The following AGAP1 variants were observed in gnomAD, a reference collection of about 807,000 sequenced individuals.
AGAP1 encodes the protein arf-GAP with GTPase, ANK repeat and PH domain-containing protein 1.
Under a neutral mutation model 105.3 loss-of-function variants are expected in AGAP1, and 29 were observed. The observed-to-expected ratio is 0.28, with a 90% CI of 0.21 to 0.38. AGAP1 has a LOEUF of 0.38. Among genes scored for constraint, AGAP1 ranks in the 10% least tolerant of loss-of-function variants. The probability of loss-of-function intolerance (pLI) is 1.00; values close to 1 mark genes in which losing one functional copy is unlikely to be tolerated. For missense variants in AGAP1, 998 were observed against 1,165.1 expected, an observed-to-expected ratio of 0.86 and a Z score of 2.09; for synonymous variants, 509 against 485.9, an observed-to-expected ratio of 1.05 and a Z score of -0.63.
chr2:235,719,102 C>G lies in AGAP1; in HGVS notation c.310+1458C>G, dbSNP rs1280108732. ...CCTGCAAATGAAATGACCACCTTTT[C>G]TAAGTAAATCTACTTTCAGGGCCCT... On this transcript the variant is annotated intron_variant, in intron 3 of 17. Coordinates refer to ENST00000304032, the MANE Select transcript of AGAP1 (RefSeq NM_001037131.3). This position sits in a 1 kb window ranked among gnomAD's most constrained non-coding sequence, Gnocchi z 4.9. 6.6e-6 allele frequency among the ~76,000 whole-genome samples: 1 copy of G among 152,170 alleles called. No individual in the cohort carries two copies.
chr2:235,514,553 G>A (rs550306268), intron 1 of AGAP1, among the ~76,000 whole-genome samples: 17 of 152,358 alleles, frequency 1.1e-4, no homozygotes, highest in Admixed American at 9.8e-4. Context: ...CTGCCTGGGG[G>A]TTTGGATCAC....
At chr2:235,530,404 A>G (rs911302007) in intron 1 of AGAP1, among the ~76,000 whole-genome samples, 1 of 152,188 alleles carries the variant, frequency 6.6e-6, no homozygotes, top group Non-Finnish European at 1.5e-5. Context: ...CAGCTGTACA[A>G]GGTTACCCCA....
At chr2:236,103,990 A>G (rs926047875) in intron 16 of AGAP1, among the ~76,000 whole-genome samples, 1 of 152,344 alleles carries the variant, frequency 6.6e-6, no homozygotes, top group East Asian at 1.9e-4. Flanking sequence ...CGTCCTTACT[A>G]TGTCCCTGAG....
At chr2:235,506,717 G>A (rs1004465277) in intron 1 of AGAP1, among the ~76,000 whole-genome samples, 3 of 152,168 alleles carry the variant, frequency 2.0e-5, no homozygotes, top group Admixed American at 6.5e-5. Context: ...CCAGTGAGAT[G>A]CAAAGCCACA....
rs1255569139 is a variant in AGAP1 at position 235,599,636 on chromosome 2, G to A, written c.163+104787G>A. ...CATGTGGCTCCGGAAGTTCCTGGGA[G>A]TGGCTCGTAGAGCCTGTTTTCATCC... On this transcript the variant is annotated intron_variant, in intron 1 of 17. Transcript: ENST00000304032. The surrounding 1 kb of genome is among the most constrained non-coding windows in gnomAD (Gnocchi z 5.3). 3.3e-5 allele frequency among the ~76,000 whole-genome samples: 5 copies of A among 152,200 alleles called. No homozygotes were observed. The highest frequency in any genetic ancestry group is 3.3e-4 in the Admixed American group (5 of 15,284).
chr2:235,501,561 A>G (rs1337714976), intron 1 of AGAP1, among the ~76,000 whole-genome samples: 2 of 152,194 alleles, frequency 1.3e-5, no homozygotes, highest in Non-Finnish European at 2.9e-5. Flanking sequence ...GGAACCTTCA[A>G]AACAAAACCT....
rs1437578283 is a variant in AGAP1 at position 236,123,727 on chromosome 2, C to T, written c.2371-192C>T. Among the ~76,000 whole-genome samples the T allele has an allele frequency of 6.6e-6, 1 of 152,162 alleles. No homozygotes were observed. Among genetic ancestry groups the T allele is most frequent in the Non-Finnish European group, 1.5e-5 (1 of 68,034 alleles). On this transcript the variant is annotated intron_variant, in intron 17 of 17. Transcript: ENST00000304032. This position sits in a 1 kb window ranked among gnomAD's most constrained non-coding sequence, Gnocchi z 4.6. ...TTGAAAAAAAAAGACATGTTCTTTC[C>T]TTAAAAGAATCCGCTGGCCACGGGT... is the stretch of plus-strand genomic sequence containing the variant.
chr2:235,669,718 C>T (rs1442430129), intron 1 of AGAP1: 1 of 148,390 alleles, frequency 6.7e-6, no homozygotes, highest in Non-Finnish European at 1.5e-5. Context: ...GCTGCGGAAC[C>T]GCCGAGCTGT....
chr2:235,866,046 A>G lies in AGAP1; in HGVS notation c.1051-17299A>G, dbSNP rs2049154504. Among the ~76,000 whole-genome samples, 1 of 152,134 alleles carries G rather than the reference A, an allele frequency of 6.6e-6. No individual in the cohort carries two copies. The highest frequency in any genetic ancestry group is 2.1e-4 in the South Asian group (1 of 4,826). On this transcript the variant is annotated intron_variant, in intron 9 of 17. Transcript: ENST00000304032. The surrounding 1 kb of genome is among the most constrained non-coding windows in gnomAD (Gnocchi z 6.1). ...TCTGCGGTCTGGTCATTTTTGCCAC[A>G]CTTGATTTTTTTCTGCTAAACCCTA...
intron 12 of AGAP1, among the ~76,000 whole-genome samples, chr2:235,941,906 C>T (rs538500815): frequency 1.4e-3 from 214 of 152,200 alleles, no homozygotes; most frequent in Non-Finnish European, 2.8e-3. Context: ...AAGGAGCGTT[C>T]CAGCCCGGTA....
intron 16 of AGAP1, among the ~76,000 whole-genome samples, chr2:236,070,211 T>G (rs2125792216): frequency 6.6e-6 from 1 of 152,374 alleles, no homozygotes; most frequent in African/African-American, 2.4e-5. Context: ...CTAGTTCTCC[T>G]TTTGTTCCCA....
chr2:235,848,774 T>TG (rs1961816619), intron 9 of AGAP1, among the ~76,000 whole-genome samples: 1 of 152,200 alleles, frequency 6.6e-6, no homozygotes, highest in Non-Finnish European at 1.5e-5. Context: ...ATTTAGTGCT[T>TG]TAACTTTTCC....
At chr2:235,657,886 G>A (rs940724643) in intron 1 of AGAP1, among the ~76,000 whole-genome samples, 3 of 152,190 alleles carry the variant, frequency 2.0e-5, no homozygotes, top group East Asian at 3.9e-4. Context: ...TATAAGAAGA[G>A]GAGATTAAGA....
Position 235,889,388 on chromosome 2 carries a change from AC to A in AGAP1, c.1155+5940del, listed in dbSNP as rs1261716179. Reference sequence around the variant, plus strand: ...ACCTCACGAATACTGATCCCCAGGGACTGCGTGTCTCCCTCAGAACTGGGGC... The same window carrying A: ...ACCTCACGAATACTGATCCCCAGGGATGCGTGTCTCCCTCAGAACTGGGGC... On this transcript the variant is annotated intron_variant, in intron 10 of 17. Transcript: ENST00000304032. The surrounding 1 kb of genome is among the most constrained non-coding windows in gnomAD (Gnocchi z 4.6). Among the ~76,000 whole-genome samples the A allele has an allele frequency of 6.6e-6, 1 of 152,158 alleles. No homozygotes were observed. The highest frequency in any genetic ancestry group is 6.5e-5 in the Admixed American group (1 of 15,278).
intron 10 of AGAP1, among the ~76,000 whole-genome samples, chr2:235,899,391 T>TA (rs1373274883): frequency 6.6e-6 from 1 of 152,130 alleles, no homozygotes; most frequent in Non-Finnish European, 1.5e-5. Flanking sequence ...CAGGCGCCTG[T>TA]AATCCCAGCT....
intron 1 of AGAP1, among the ~76,000 whole-genome samples, chr2:235,627,513 C>T (rs995667750): frequency 1.3e-5 from 2 of 152,102 alleles, no homozygotes; most frequent in East Asian, 1.9e-4. Context: ...GCGTGAGCCA[C>T]GGCGCCCGGC....
At position 235,750,328 on chromosome 2, in the gene AGAP1, C is replaced by T. The variant is rs1465974154; in HGVS notation, c.539-26C>T. On this transcript the variant is annotated intron_variant, in intron 5 of 17. Transcript: ENST00000304032. The surrounding 1 kb of genome is among the most constrained non-coding windows in gnomAD (Gnocchi z 5.3). The stretch of plus-strand genomic sequence containing the variant: ...TTTAGAGCTGTCATTGTCACTGTGC[C>T]GTTACTTTTTGGTCTTCTGTTCCAG... The T allele has an allele frequency of 1.1e-5, 17 of 1,613,514 alleles. No individual in the cohort carries two copies. Among genetic ancestry groups the T allele is most frequent in the Admixed American group, 3.3e-5 (2 of 59,984 alleles).
At chr2:235,670,101 T>G in intron 1 of AGAP1, 4 of 495,516 alleles carry the variant, frequency 8.1e-6, no homozygotes, top group Non-Finnish European at 1.1e-5. Flanking sequence ...GCGGGCGACA[T>G]GTACTTGTTG....
intron 1 of AGAP1, among the ~76,000 whole-genome samples, chr2:235,497,740 G>A (rs1442104269): frequency 3.9e-5 from 6 of 152,126 alleles, no homozygotes; most frequent in Non-Finnish European, 7.3e-5. Context: ...GACTACAGGC[G>A]CCCACCACCT....
Sources: gnomAD v4.1 joint callset for allele counts (sites outside exome capture counted in the v4.1 genomes callset) on GRCh38, gnomAD v4.1.1 for gene constraint, Gnocchi (gnomAD v3.1) non-coding constraint, MANE v1.5 for transcripts, NCBI Gene and HGNC (gene_info 2026-07-23, HGNC 2026-07-21) for gene names.